The following TIAM2 variants were observed in gnomAD, a reference collection of about 807,000 sequenced individuals.
TIAM2 encodes TIAM Rac1 associated GEF 2, also known as rho guanine nucleotide exchange factor TIAM2.
Under a neutral mutation model 152.9 loss-of-function variants are expected in TIAM2, and 80 were observed. That is an observed-to-expected ratio of 0.52 (90% CI 0.44 to 0.63). The LOEUF is 0.63. Among genes scored for constraint, TIAM2 ranks in the 30% least tolerant of loss-of-function variants. The pLI, the probability that TIAM2 is intolerant of heterozygous loss-of-function variation, is 0.00. For synonymous variants in TIAM2, 804 were observed against 838.0 expected (o/e 0.96, Z 0.70); for missense variants, 1,965 against 2,120.1 (o/e 0.93, Z 1.44).
intron 2 of TIAM2, among the ~76,000 whole-genome samples, chr6:155,100,454 A>G (rs2114992037): frequency 6.6e-6 from 1 of 152,338 alleles, no homozygotes; most frequent in East Asian, 1.9e-4. Flanking sequence ...TTTAAAATAA[A>G]AGGGATTGCT....
chr6:155,046,431 G>C (rs1195924342), intron 1 of TIAM2, among the ~76,000 whole-genome samples: 1 of 148,684 alleles, frequency 6.7e-6, no homozygotes, highest in Non-Finnish European at 1.5e-5. Context: ...CGCCTCCCAG[G>C]TTCAAGTGAT....
At chr6:155,069,911 CT>C (rs36093906) in intron 1 of TIAM2, among the ~76,000 whole-genome samples, 32,806 of 125,564 alleles carry the variant, frequency 0.26, 4,056 homozygotes, top group African/African-American at 0.37. Flanking sequence ...CATTTCTTTT[CT>C]TTTTTTTTTT....
intron 14 of TIAM2, among the ~76,000 whole-genome samples, chr6:155,189,743 A>G (rs374841784): frequency 1.2e-4 from 18 of 152,300 alleles, no homozygotes; most frequent in East Asian, 9.6e-4. Flanking sequence ...AAAAATTGCA[A>G]TGAAGAGAAT....
At chr6:155,134,332 T>G (rs895670407) in intron 4 of TIAM2, among the ~76,000 whole-genome samples, 1 of 152,110 alleles carries the variant, frequency 6.6e-6, no homozygotes, top group Non-Finnish European at 1.5e-5. Context: ...GGAAATTTAT[T>G]AGAGACTGGG....
intron 1 of TIAM2, among the ~76,000 whole-genome samples, chr6:155,087,348 G>T (rs1778193869): frequency 1.3e-5 from 2 of 152,154 alleles, no homozygotes; most frequent in Non-Finnish European, 2.9e-5. Context: ...CATTTATGAG[G>T]CCATCAGTAA....
At chr6:155,116,035 A>G (rs946361615) in intron 2 of TIAM2, among the ~76,000 whole-genome samples, 1 of 152,138 alleles carries the variant, frequency 6.6e-6, no homozygotes, top group African/African-American at 2.4e-5. Context: ...CCTGGCAGGC[A>G]GAGGTTGCAG....
At chr6:155,118,600 T>G (rs2017645) in intron 2 of TIAM2, among the ~76,000 whole-genome samples, 65,003 of 151,432 alleles carry the variant, frequency 0.43, 15,823 homozygotes, top group East Asian at 0.66. Flanking sequence ...ACCCAGCTAA[T>G]TTTTGTATTT....
Position 155,047,681 on chromosome 6 carries a change from AGAGAGAG to A in TIAM2, c.-208-42600_-208-42594del, listed in dbSNP as rs1166344577. Among the ~76,000 whole-genome samples, 20 of 30,504 alleles carry A rather than the reference AGAGAGAG, an allele frequency of 6.6e-4. 1 individual carries two copies. Among genetic ancestry groups the A allele is most frequent in the Admixed American group, 3.8e-3 (13 of 3,398 alleles). 20.0% of individuals were successfully genotyped at this position (30,504 alleles called of 152,430 possible). ...AGAGAGAGAGAGGAGAGAGAGAGAG[AGAGAGAG>A]GAGAGAGAGAGAGAGAGCGAGAGAG... On this transcript the variant is annotated intron_variant, in intron 1 of 26. Coordinates refer to ENST00000682666, the MANE Select transcript of TIAM2 (RefSeq NM_012454.4).
At chr6:155,184,505 C>T (rs943115518) in intron 14 of TIAM2, among the ~76,000 whole-genome samples, 6 of 152,160 alleles carry the variant, frequency 3.9e-5, no homozygotes, top group African/African-American at 7.2e-5. Flanking sequence ...CCAGTAGTTT[C>T]GCTTTATACC....
chr6:155,202,227 G>A lies in TIAM2; in HGVS notation c.3065-8977G>A, dbSNP rs560038758. Among the ~76,000 whole-genome samples, 3 of 151,806 alleles carry A rather than the reference G, an allele frequency of 2.0e-5. No individual in the cohort carries two copies. In the South Asian group the frequency reaches 6.3e-4, roughly 32 times the overall value. ...GTTATTTCTATTATTTCATTTAAATGCTTTGTTTTCATTCTCTTTCACTGA... is the reference window on the plus strand; with the variant it reads ...GTTATTTCTATTATTTCATTTAAATACTTTGTTTTCATTCTCTTTCACTGA... On this transcript the variant is annotated intron_variant, in intron 14 of 26. Coordinates refer to ENST00000682666, the MANE Select transcript of TIAM2 (RefSeq NM_012454.4).
intron 1 of TIAM2, among the ~76,000 whole-genome samples, chr6:155,071,950 T>C (rs1777849144): frequency 6.6e-6 from 1 of 151,762 alleles, no homozygotes; most frequent in Non-Finnish European, 1.5e-5. Flanking sequence ...TGTTATGTGT[T>C]GTTAGGGAAG....
At chr6:155,038,090 C>T (rs970090835) in intron 1 of TIAM2, among the ~76,000 whole-genome samples, 6 of 152,190 alleles carry the variant, frequency 3.9e-5, no homozygotes, top group African/African-American at 9.6e-5. Context: ...AACAAACCTT[C>T]TATTGAAGGG....
intron 2 of TIAM2, among the ~76,000 whole-genome samples, chr6:155,122,595 T>A (rs1378890088): frequency 6.6e-6 from 1 of 152,040 alleles, no homozygotes; most frequent in African/African-American, 2.4e-5. Flanking sequence ...ATTATAATTG[T>A]CCCGTAAATA....
chr6:155,012,143 CAA>C (rs1778500637), intron 1 of TIAM2, among the ~76,000 whole-genome samples: 1 of 152,180 alleles, frequency 6.6e-6, no homozygotes, highest in Non-Finnish European at 1.5e-5. Flanking sequence ...CCTACAATTT[CAA>C]AGAGTTCATC....
chr6:155,228,748 A>T (rs1319488281), intron 15 of TIAM2, among the ~76,000 whole-genome samples: 1 of 152,000 alleles, frequency 6.6e-6, no homozygotes, highest in Non-Finnish European at 1.5e-5. Context: ...ACTCCTGTTA[A>T]ATAAGGAAAC....
chr6:155,016,291 A>G (rs1441478506), intron 1 of TIAM2: 1 of 152,242 alleles, frequency 6.6e-6, no homozygotes, highest in Non-Finnish European at 1.5e-5. Context: ...GAACAGTTGG[A>G]TAAGATGTCA....
At chr6:155,057,354 T>C (rs925349804) in intron 1 of TIAM2, among the ~76,000 whole-genome samples, 3 of 151,968 alleles carry the variant, frequency 2.0e-5, no homozygotes, top group African/African-American at 7.3e-5. Context: ...AATTTTCTGA[T>C]TGAACTGGGC....
rs78149259 is a variant in TIAM2, at chr6:155,050,403, C to T, written c.-208-39886C>T. On this transcript the variant is annotated intron_variant, in intron 1 of 26. Transcript: ENST00000682666. Reference sequence around the variant, plus strand: ...TTTTGAGGGAAGGTCTTGTGAAGAACGGTATTCTAAGCTGTAGGTGTCAAA... The same window carrying T: ...TTTTGAGGGAAGGTCTTGTGAAGAATGGTATTCTAAGCTGTAGGTGTCAAA... Among the ~76,000 whole-genome samples the T allele has an allele frequency of 7.6e-3, 1,153 of 152,256 alleles. 21 individuals are homozygous for T. Among genetic ancestry groups the T allele is most frequent in the African/African-American group, 0.026 (1,099 of 41,550 alleles).
intron 1 of TIAM2, among the ~76,000 whole-genome samples, chr6:155,004,538 G>C (rs1219100311): frequency 6.6e-6 from 1 of 151,860 alleles, no homozygotes; most frequent in Non-Finnish European, 1.5e-5. Flanking sequence ...CTTGTTACAG[G>C]CGCCCGCCAC....
Sources: gnomAD v4.1 joint callset for allele counts (sites outside exome capture counted in the v4.1 genomes callset) on GRCh38, gnomAD v4.1.1 for gene constraint, MANE v1.5 for transcripts, NCBI Gene and HGNC (gene_info 2026-07-23, HGNC 2026-07-21) for gene names.